KIRREL3: variants seen among roughly 807,000 people sequenced by gnomAD.
KIRREL3 encodes kirre like nephrin family adhesion molecule 3, also known as kin of IRRE-like protein 3.
A neutral mutation model predicts 89.7 loss-of-function variants in KIRREL3; 36 were observed. The observed-to-expected ratio is 0.40, with a 90% CI of 0.31 to 0.53. KIRREL3 has a LOEUF of 0.53. KIRREL3 is among the 20% of genes least tolerant of loss of function. The pLI is 0.49. For missense variants in KIRREL3, 864 were observed against 1,056.6 expected, an observed-to-expected ratio of 0.82 and a Z score of 2.53; for synonymous variants, 445 against 441.4, an observed-to-expected ratio of 1.01 and a Z score of -0.10.
At position 126,647,918 on chromosome 11, in the gene KIRREL3, T is replaced by C. The variant is rs565403296; in HGVS notation, c.56-85006A>G. On this transcript the variant is annotated intron_variant, in intron 1 of 16. Transcript: ENST00000525144. The surrounding 1 kb of genome is among the most constrained non-coding windows in gnomAD (Gnocchi z 4.9). ...GCCTCGTTGTTACACTTTGACTTAA[T>C]CTTCACTCTTCCTTTTGCTTGCTTA... Among the ~76,000 whole-genome samples, 1 of 152,320 alleles carries C rather than the reference T, an allele frequency of 6.6e-6. No homozygotes were observed. The highest frequency in any genetic ancestry group is 1.9e-4 in the East Asian group (1 of 5,172).
chr11:126,445,136 A>G, intron 9 of KIRREL3, 31 bp from the exon 10 acceptor site: 1 of 1,611,488 alleles, frequency 6.2e-7, no homozygotes, highest in Non-Finnish European at 8.5e-7. Context: ...AGATGCCAAG[A>G]GCAGGCGGAG....
In KIRREL3 at chr11:126,924,510, C is replaced by G. The variant is rs948117; in HGVS notation, c.55+75945G>C. On this transcript the variant is annotated intron_variant, in intron 1 of 16. Coordinates refer to ENST00000525144, the MANE Select transcript of KIRREL3 (RefSeq NM_032531.4). The surrounding 1 kb of genome is among the most constrained non-coding windows in gnomAD (Gnocchi z 4.7). ...ATCCTGTGCCATTATTGTACTTGCCCGTTTGCAACAAGGAACATCTTTGGC... is the reference window on the plus strand; with the variant it reads ...ATCCTGTGCCATTATTGTACTTGCCGGTTTGCAACAAGGAACATCTTTGGC... Among the ~76,000 whole-genome samples the G allele has an allele frequency of 0.33, 50,019 of 152,052 alleles. 8,808 individuals carry two copies. The highest frequency in any genetic ancestry group is 0.55 in the Middle Eastern group (163 of 294).
chr11:126,816,515 T>C (rs1190806011), intron 1 of KIRREL3, among the ~76,000 whole-genome samples: 1 of 152,192 alleles, frequency 6.6e-6, no homozygotes, highest in Non-Finnish European at 1.5e-5. Context: ...TGCTTAGAAT[T>C]TTAAAGTTAG....
rs77115050 is a variant in KIRREL3 at position 126,955,902 on chromosome 11, T to C, written c.55+44553A>G. Among the ~76,000 whole-genome samples the C allele has an allele frequency of 0.013, 2,029 of 152,266 alleles. 54 individuals carry two copies. The highest frequency in any genetic ancestry group is 0.12 in the East Asian group (599 of 5,150). ...CCACTGATGCCCCAGTTCTTAAGTATTTTTAATATTACCCTGGAAACATGA... is the reference window on the plus strand; with the variant it reads ...CCACTGATGCCCCAGTTCTTAAGTACTTTTAATATTACCCTGGAAACATGA... On this transcript the variant is annotated intron_variant, in intron 1 of 16. Transcript: ENST00000525144. This position sits in a 1 kb window ranked among gnomAD's most constrained non-coding sequence, Gnocchi z 4.6.
chr11:126,630,766 T>A (rs1382871339), intron 1 of KIRREL3, among the ~76,000 whole-genome samples: 1 of 152,136 alleles, frequency 6.6e-6, no homozygotes, highest in Non-Finnish European at 1.5e-5. Flanking sequence ...TGGCCCTTTT[T>A]CCTGATGTGT....
chr11:126,690,188 A>G (rs1946824626), intron 1 of KIRREL3, among the ~76,000 whole-genome samples: 1 of 152,176 alleles, frequency 6.6e-6, no homozygotes. Flanking sequence ...GTGTAAGATC[A>G]CTGGCAGTGA....
At chr11:126,914,392 C>T (rs1325954254) in intron 1 of KIRREL3, among the ~76,000 whole-genome samples, 1 of 152,158 alleles carries the variant, frequency 6.6e-6, no homozygotes, top group Non-Finnish European at 1.5e-5. Context: ...TTTCCATTCT[C>T]AGAGAATTTA....
intron 1 of KIRREL3, among the ~76,000 whole-genome samples, chr11:126,799,327 T>G (rs1950931688): frequency 7.7e-6 from 1 of 129,618 alleles, no homozygotes; most frequent in East Asian, 2.4e-4. Flanking sequence ...CCTATGTGTA[T>G]CTGTGTGTGT....
chr11:126,497,861 C>G (rs1276199252), intron 4 of KIRREL3, among the ~76,000 whole-genome samples: 1 of 152,242 alleles, frequency 6.6e-6, no homozygotes, highest in Non-Finnish European at 1.5e-5. Context: ...CAAGCACTTT[C>G]TCTGTGCCAA....
intron 4 of KIRREL3, among the ~76,000 whole-genome samples, chr11:126,483,895 A>G (rs1407773919): frequency 6.6e-6 from 1 of 152,114 alleles, no homozygotes; most frequent in Non-Finnish European, 1.5e-5. Flanking sequence ...GACTCAGGCT[A>G]TTGTCACCTC....
At chr11:126,727,961 G>C (rs1948457877) in intron 1 of KIRREL3, among the ~76,000 whole-genome samples, 1 of 152,074 alleles carries the variant, frequency 6.6e-6, no homozygotes, top group Non-Finnish European at 1.5e-5. Context: ...TTGAAGTAGG[G>C]CTGTCTCGGG....
intron 1 of KIRREL3, among the ~76,000 whole-genome samples, chr11:126,968,908 G>A (rs1459479060): frequency 2.6e-5 from 4 of 152,138 alleles, no homozygotes; most frequent in African/African-American, 9.7e-5. Flanking sequence ...CTGAGACTCA[G>A]TTCCCTCATC....
At chr11:126,738,085 A>T (rs1054259410) in intron 1 of KIRREL3, among the ~76,000 whole-genome samples, 2 of 152,132 alleles carry the variant, frequency 1.3e-5, no homozygotes, top group African/African-American at 4.8e-5. Context: ...TGCTGTTTGC[A>T]GAATGTTGGC....
intron 1 of KIRREL3, among the ~76,000 whole-genome samples, chr11:126,863,946 A>G (rs900882183): frequency 6.6e-6 from 1 of 152,006 alleles, no homozygotes; most frequent in African/African-American, 2.4e-5. Flanking sequence ...TTCTGTGGGG[A>G]CCCCTGTTAC....
intron 1 of KIRREL3, among the ~76,000 whole-genome samples, chr11:126,972,211 G>C (rs1423944019): frequency 1.5e-5 from 1 of 66,494 alleles, no homozygotes; most frequent in Non-Finnish European, 4.2e-5. Context: ...AGAGGACTGT[G>C]CATACACATT....
rs771909308 is a variant in KIRREL3, at chr11:126,456,402, G to A, written c.795C>T (p.Asn265=). 1.0e-5 allele frequency: 16 copies of A among 1,594,480 alleles called. No individual in the cohort carries two copies. The Admixed American group carries it at 1.6e-4, about 16-fold the overall frequency. The change falls in exon 7 of 17, where the codon AAC becomes AAT. Residue 265 remains asparagine (N), a synonymous_variant. Coordinates refer to ENST00000525144, the MANE Select transcript of KIRREL3 (RefSeq NM_032531.4). ...TTGCAGAGCAGTGGAAAGTGACGACGTTGTCCTCCAGCACTGGCTGTGGCT... is the reference window on the plus strand; with the variant it reads ...TTGCAGAGCAGTGGAAAGTGACGACATTGTCCTCCAGCACTGGCTGTGGCT... ...SVEPQPVLED[N]VVTFHCSAKA... is the part of the protein sequence containing the mutation.
intron 1 of KIRREL3, among the ~76,000 whole-genome samples, chr11:126,721,010 T>C (rs1449493966): frequency 6.6e-6 from 1 of 152,192 alleles, no homozygotes; most frequent in African/African-American, 2.4e-5. Context: ...AAGAAGCTAA[T>C]TGGGCACCAG....
chr11:126,966,596 T>A (rs1246007103), intron 1 of KIRREL3, among the ~76,000 whole-genome samples: 2 of 152,174 alleles, frequency 1.3e-5, no homozygotes, highest in African/African-American at 2.4e-5. Flanking sequence ...GTTAGTTCTG[T>A]CTGTGAGGAG....
intron 1 of KIRREL3, chr11:126,920,208 A>G (rs1947214282): frequency 6.6e-6 from 1 of 152,494 alleles, no homozygotes; most frequent in Non-Finnish European, 1.5e-5. Flanking sequence ...GCTCACTTCC[A>G]TATATTATTG....
Sources: gnomAD v4.1 joint callset for allele counts (sites outside exome capture counted in the v4.1 genomes callset) on GRCh38, gnomAD v4.1.1 for gene constraint, Gnocchi (gnomAD v3.1) non-coding constraint, MANE v1.5 for transcripts, NCBI Gene and HGNC (gene_info 2026-07-23, HGNC 2026-07-21) for gene names.